The following PRELID2 variants were observed in gnomAD, a reference collection of about 807,000 sequenced individuals.
PRELID2 encodes PRELI domain containing 2.
PRELID2 carries 25 observed loss-of-function variants against 28.4 expected under a neutral mutation model. That is an observed-to-expected ratio of 0.88 (90% CI 0.64 to 1.23). The LOEUF is 1.23. PRELID2 is among the 50% of genes most tolerant of loss of function. The probability of loss-of-function intolerance (pLI) is 0.00; values close to 1 mark genes in which losing one functional copy is unlikely to be tolerated. For synonymous variants in PRELID2, 76 were observed against 71.6 expected (o/e 1.06, Z -0.31); for missense variants, 201 against 214.4 (o/e 0.94, Z 0.39).
chr5:145,742,324 A>ATTTTT (rs1491518500), intron 1 of PRELID2, among the ~76,000 whole-genome samples: 1 of 48,804 alleles, frequency 2.0e-5, no homozygotes, highest in African/African-American at 4.6e-5. Context: ...ATAAAAATAG[A>ATTTTT]TATATTTTTT....
chr5:145,256,323 T>A, the PRELID2 span, among the ~76,000 whole-genome samples: 6 of 152,144 alleles, frequency 3.9e-5, no homozygotes, highest in Non-Finnish European at 7.4e-5. Flanking sequence ...TTATTTTTTT[T>A]AAATCTTTGT....
At chr5:145,301,549 C>T in the PRELID2 span, among the ~76,000 whole-genome samples, 4 of 152,154 alleles carry the variant, frequency 2.6e-5, no homozygotes, top group Admixed American at 2.0e-4. Flanking sequence ...ATGGTCTGTG[C>T]TTTCAGCTCC....
intron 1 of PRELID2, chr5:145,826,343 T>A (rs911864479): frequency 1.3e-5 from 3 of 232,248 alleles, no homozygotes; most frequent in Non-Finnish European, 2.1e-5. Flanking sequence ...AAGACCCAGA[T>A]ATCTGCCAAA....
the PRELID2 span, among the ~76,000 whole-genome samples, chr5:145,379,394 G>A: frequency 1.3e-5 from 2 of 152,184 alleles, no homozygotes; most frequent in Non-Finnish European, 2.9e-5. Context: ...CTGGAATAAG[G>A]GGTGAGGGGC....
chr5:145,450,501 G>A, the PRELID2 span, among the ~76,000 whole-genome samples: 1 of 152,062 alleles, frequency 6.6e-6, no homozygotes, highest in African/African-American at 2.4e-5. Context: ...TAGTCACTGA[G>A]GCTATGCAAT....
the PRELID2 span, among the ~76,000 whole-genome samples, chr5:145,333,033 G>C: frequency 6.6e-6 from 1 of 152,188 alleles, no homozygotes; most frequent in African/African-American, 2.4e-5. Flanking sequence ...CCCCTCTGCT[G>C]CAGGTCTGCT....
rs530457788 is a variant in PRELID2, at chr5:145,700,969, C to T, written n.70+63962G>A. Among the ~76,000 whole-genome samples the T allele has an allele frequency of 3.3e-5, 5 of 152,172 alleles. No individual in the cohort carries two copies. The East Asian group carries it at 9.7e-4, about 29-fold the overall frequency. Reference sequence around the variant, plus strand: ...TCTGTGTGACCACTTGTGGAAATTACAGCCACTGGGAGCCAGGCTCTGAGA... The same window carrying T: ...TCTGTGTGACCACTTGTGGAAATTATAGCCACTGGGAGCCAGGCTCTGAGA... On this transcript the variant is annotated intron_variant and non_coding_transcript_variant, in intron 1 of 2. Transcript: ENST00000510259.
the PRELID2 span, among the ~76,000 whole-genome samples, chr5:145,386,222 C>T: frequency 6.6e-6 from 1 of 151,962 alleles, no homozygotes; most frequent in Non-Finnish European, 1.5e-5. Flanking sequence ...ATAAAACTAT[C>T]AGATCTCATG....
intron 1 of PRELID2, among the ~76,000 whole-genome samples, chr5:145,743,408 C>A (rs111875941): frequency 1.5e-4 from 8 of 52,356 alleles, no homozygotes; most frequent in Non-Finnish European, 2.3e-4. Context: ...TGAAACTCTG[C>A]GGCAAAAAAA....
chr5:145,527,191 T>G (rs1386077535), intron 1 of PRELID2, among the ~76,000 whole-genome samples: 1 of 152,202 alleles, frequency 6.6e-6, no homozygotes, highest in Non-Finnish European at 1.5e-5. Flanking sequence ...TTCTATTATC[T>G]TCATTATGAT....
chr5:145,587,669 C>T (rs1753172691), intron 1 of PRELID2, among the ~76,000 whole-genome samples: 1 of 152,116 alleles, frequency 6.6e-6, no homozygotes, highest in Admixed American at 6.6e-5. Context: ...TCCTTGTGGG[C>T]TTCCATTACA....
the PRELID2 span, among the ~76,000 whole-genome samples, chr5:145,258,613 G>T: frequency 6.6e-6 from 1 of 152,164 alleles, no homozygotes; most frequent in Non-Finnish European, 1.5e-5. Context: ...AAGCATTCAA[G>T]ATGTCACCTG....
At chr5:145,541,366 T>C (rs1407009524) in intron 1 of PRELID2, among the ~76,000 whole-genome samples, 2 of 152,034 alleles carry the variant, frequency 1.3e-5, no homozygotes, top group Admixed American at 6.6e-5. Flanking sequence ...AACTTTTACG[T>C]CCTCATTTTA....
intron 1 of PRELID2, among the ~76,000 whole-genome samples, chr5:145,487,493 G>C (rs1410533470): frequency 6.6e-6 from 1 of 152,162 alleles, no homozygotes; most frequent in Non-Finnish European, 1.5e-5. Flanking sequence ...AATCAGCATA[G>C]AATGTCAATT....
chr5:145,617,028 A>G (rs1753708237), intron 1 of PRELID2, among the ~76,000 whole-genome samples: 2 of 152,140 alleles, frequency 1.3e-5, no homozygotes, highest in African/African-American at 4.8e-5. Flanking sequence ...TATTTCTCCC[A>G]TTTGCTTTTG....
intron 4 of PRELID2, among the ~76,000 whole-genome samples, chr5:145,803,368 C>T (rs1463097637): frequency 3.3e-5 from 5 of 151,322 alleles, no homozygotes; most frequent in African/African-American, 7.3e-5. Context: ...GTAGTTTCAG[C>T]CTTAACATGA....
intron 1 of PRELID2, among the ~76,000 whole-genome samples, chr5:145,486,415 G>C (rs1016606600): frequency 3.3e-5 from 5 of 152,142 alleles, no homozygotes; most frequent in Admixed American, 2.0e-4. Context: ...ATGAATAAAT[G>C]AGGCTATTCC....
At chr5:145,444,916 A>G in the PRELID2 span, among the ~76,000 whole-genome samples, 1 of 152,172 alleles carries the variant, frequency 6.6e-6, no homozygotes, top group African/African-American at 2.4e-5. Flanking sequence ...GCAAATTAAT[A>G]ATATAAAAGA....
chr5:145,515,853 C>T (rs1369244331), intron 1 of PRELID2, among the ~76,000 whole-genome samples: 2 of 152,130 alleles, frequency 1.3e-5, no homozygotes, highest in African/African-American at 4.8e-5. Flanking sequence ...AAACAATAAA[C>T]GTAATCCATC....
Sources: gnomAD v4.1 joint callset for allele counts (sites outside exome capture counted in the v4.1 genomes callset) on GRCh38, gnomAD v4.1.1 for gene constraint, MANE v1.5 for transcripts, NCBI Gene and HGNC (gene_info 2026-07-23, HGNC 2026-07-21) for gene names.